VWA2: variants seen among roughly 807,000 people sequenced by gnomAD.
The protein encoded by VWA2 is von Willebrand factor A domain-containing protein 2.
In VWA2, 73 loss-of-function variants were observed where a neutral mutation model predicts 70.4. That is an observed-to-expected ratio of 1.04 (90% CI 0.86 to 1.26). The LOEUF (loss-of-function observed/expected upper bound fraction) is 1.26, where lower values mean the gene tolerates loss of function less well. Among genes scored for constraint, VWA2 ranks in the 50% most tolerant of loss-of-function variants. The probability of loss-of-function intolerance (pLI) is 0.00; values close to 1 mark genes in which losing one functional copy is unlikely to be tolerated. For synonymous variants in VWA2, 407 were observed against 423.3 expected (o/e 0.96, Z 0.47); for missense variants, 1,011 against 998.5 (o/e 1.01, Z -0.17).
chr10:114,288,442 T>C (rs1255376856), intron 11 of VWA2, among the ~76,000 whole-genome samples: 1 of 152,198 alleles, frequency 6.6e-6, no homozygotes, highest in Non-Finnish European at 1.5e-5. Flanking sequence ...AAGGCACAGG[T>C]GAAGATGTTG....
chr10:114,244,222 G>A (rs543696542), intron 1 of VWA2, among the ~76,000 whole-genome samples: 12 of 152,340 alleles, frequency 7.9e-5, no homozygotes, highest in African/African-American at 2.6e-4. Flanking sequence ...GCAGGATTCA[G>A]GGTGGCAGAT....
chr10:114,267,941 A>G (rs1354092700), intron 5 of VWA2, among the ~76,000 whole-genome samples: 1 of 152,126 alleles, frequency 6.6e-6, no homozygotes, highest in Non-Finnish European at 1.5e-5. Context: ...TTTTATGAAC[A>G]CTAGAATTTG....
At chr10:114,279,194 C>T (rs193257592) in intron 8 of VWA2, among the ~76,000 whole-genome samples, 6 of 152,240 alleles carry the variant, frequency 3.9e-5, no homozygotes, top group Admixed American at 2.6e-4. Context: ...CACCAGTTTC[C>T]ACATTATGGG....
In VWA2 at chr10:114,272,953, C is replaced by T; in HGVS notation, c.566+19C>T. ...TTCCCAGGTAAGAGCCTCAGTCACC[C>T]TGGATCAGCCCTCAGGTGGTCAGCC... On this transcript the variant is annotated intron_variant, in intron 6 of 13. Transcript: ENST00000392982. 2 of 1,598,270 alleles carry T rather than the reference C, an allele frequency of 1.3e-6. No homozygotes were observed. Among genetic ancestry groups the T allele is most frequent in the Non-Finnish European group, 1.7e-6 (2 of 1,171,632 alleles).
intron 5 of VWA2, among the ~76,000 whole-genome samples, chr10:114,269,007 C>T (rs1310930562): frequency 2.0e-5 from 3 of 147,312 alleles, no homozygotes; most frequent in Non-Finnish European, 3.0e-5. Flanking sequence ...CCACCGCGCC[C>T]GGCCAAGCGG....
rs1564725705 is a variant in VWA2 at position 114,272,855 on chromosome 10, C to G, written c.487C>G (p.Gln163Glu). The change falls in exon 6 of 14, where the codon CAG becomes GAG. Residue 163 changes from glutamine (Q) to glutamate (E), a missense_variant. Transcript: ENST00000392982. ...CATCATCGTCACTGATGGGAAGTCC[C>G]AGGGGGATGTGGCACTGCCATCCAA... ...ILIIVTDGKS[Q>E]GDVALPSKQL... 6.2e-7 allele frequency: 1 copy of G among 1,614,008 alleles called. No homozygotes were observed. The highest frequency in any genetic ancestry group is 1.7e-5 in the Admixed American group (1 of 60,012).
At chr10:114,239,677 C>G in intron 1 of VWA2, 108 bp downstream of exon 1, 1 of 152,310 alleles carries the variant, frequency 6.6e-6, no homozygotes, top group Admixed American at 6.5e-5. Context: ...CCAGCCACCC[C>G]TACCCAGAGC....
At chr10:114,260,885 A>G (rs1032107000) in intron 4 of VWA2, among the ~76,000 whole-genome samples, 11 of 152,220 alleles carry the variant, frequency 7.2e-5, no homozygotes, top group Admixed American at 2.0e-4. Flanking sequence ...ACCCAGCCCT[A>G]AAGATGCACA....
chr10:114,280,338 T>C (rs1435102825), intron 8 of VWA2, among the ~76,000 whole-genome samples: 1 of 151,952 alleles, frequency 6.6e-6, no homozygotes, highest in Non-Finnish European at 1.5e-5. Context: ...GCTCCAGTAA[T>C]GGGAGGCAGT....
At chr10:114,275,885 G>A (rs779214650) in intron 6 of VWA2, among the ~76,000 whole-genome samples, 12 of 152,282 alleles carry the variant, frequency 7.9e-5, no homozygotes, top group Admixed American at 3.9e-4. Context: ...CCGAGATTAC[G>A]CCACTGCAGT....
intron 1 of VWA2, among the ~76,000 whole-genome samples, chr10:114,241,363 A>C (rs187594010): frequency 6.6e-6 from 1 of 152,202 alleles, no homozygotes; most frequent in South Asian, 2.1e-4. Context: ...TCTTCTGTGC[A>C]TCCCACCCTC....
intron 2 of VWA2, among the ~76,000 whole-genome samples, chr10:114,249,511 C>G (rs181683091): frequency 6.6e-6 from 1 of 152,276 alleles, no homozygotes. Flanking sequence ...CCGTCTTGGC[C>G]TCCCAAAGTG....
At position 114,294,105 on chromosome 10, in the gene VWA2, A is replaced by G. The variant is rs1460566159; in HGVS notation, c.*2868A>G. Among the ~76,000 whole-genome samples, 1 of 152,156 alleles carries G rather than the reference A, an allele frequency of 6.6e-6. No homozygotes were observed. Among genetic ancestry groups the G allele is most frequent in the African/African-American group, 2.4e-5 (1 of 41,444 alleles). On this transcript the variant is annotated 3_prime_UTR_variant, in exon 14 of 14. Coordinates refer to ENST00000392982, the MANE Select transcript of VWA2 (RefSeq NM_001272046.2). ...TCCATTTGTGTATTTTCAATCATTG[A>G]ACAACCCTTGATTTTTTTGGATAAA...
intron 2 of VWA2, among the ~76,000 whole-genome samples, chr10:114,251,225 G>A (rs1348667105): frequency 2.6e-5 from 4 of 152,238 alleles, no homozygotes; most frequent in African/African-American, 7.2e-5. Context: ...GGGGGCTGCC[G>A]ACTTGGTTGG....
chr10:114,287,543 C>G (rs1234965026), intron 11 of VWA2, among the ~76,000 whole-genome samples: 2 of 152,124 alleles, frequency 1.3e-5, no homozygotes, highest in African/African-American at 4.8e-5. Context: ...TGTGATTCTG[C>G]TTCTCAGCCC....
chr10:114,287,123 G>A (rs541178448), intron 11 of VWA2, among the ~76,000 whole-genome samples: 1 of 152,332 alleles, frequency 6.6e-6, no homozygotes, highest in South Asian at 2.1e-4. Context: ...AGGCACTCTA[G>A]AGAACACTGT....
intron 6 of VWA2, 34 bp downstream of exon 6, chr10:114,272,968 G>T (rs370808652): frequency 6.3e-7 from 1 of 1,577,070 alleles, no homozygotes; most frequent in Admixed American, 1.7e-5. Flanking sequence ...TCAGCCCTCA[G>T]GTGGTCAGCC....
Position 114,292,556 on chromosome 10 carries a change from G to A in VWA2, c.*1319G>A, listed in dbSNP as rs75505378. Reference sequence around the variant, plus strand: ...ATATTTGTACCTATGTGGCAAAGAGGCATATTTGGAATATTCTCTGGCAAA... The same window carrying A: ...ATATTTGTACCTATGTGGCAAAGAGACATATTTGGAATATTCTCTGGCAAA... On this transcript the variant is annotated 3_prime_UTR_variant, in exon 14 of 14. Coordinates refer to ENST00000392982, the MANE Select transcript of VWA2 (RefSeq NM_001272046.2). 0.023 allele frequency among the ~76,000 whole-genome samples: 3,483 copies of A among 150,176 alleles called. 120 individuals are homozygous for A. The highest frequency in any genetic ancestry group is 0.079 in the African/African-American group (3,232 of 40,752).
intron 1 of VWA2, among the ~76,000 whole-genome samples, chr10:114,242,982 A>T (rs2133274833): frequency 6.6e-6 from 1 of 152,198 alleles, no homozygotes; most frequent in South Asian, 2.1e-4. Context: ...GCTTGCAGTC[A>T]CCCAGCTGCT....
Sources: gnomAD v4.1 joint callset for allele counts (sites outside exome capture counted in the v4.1 genomes callset) on GRCh38, gnomAD v4.1.1 for gene constraint, MANE v1.5 for transcripts, NCBI Gene and HGNC (gene_info 2026-07-23, HGNC 2026-07-21) for gene names.